Variants in ACOT13 observed in about 807,000 individuals in gnomAD.
ACOT13 encodes the protein acyl-CoA thioesterase 13.
Under a neutral mutation model 11.8 loss-of-function variants are expected in ACOT13, and 10 were observed. The ratio of observed to expected loss-of-function variants is 0.85; its 90% confidence interval spans 0.53 to 1.44. The LOEUF (loss-of-function observed/expected upper bound fraction) is 1.44. Ranked by LOEUF, ACOT13 falls within the 40% of genes most tolerant of loss-of-function variation. The pLI is 0.00. For missense variants in ACOT13, 172 were observed against 174.1 expected (o/e 0.99, Z 0.07); for synonymous variants, 53 against 61.0 (o/e 0.87, Z 0.61).
chr6:24,686,492 AGCAGGT>A (rs1413382246), intron 1 of ACOT13, among the ~76,000 whole-genome samples: 2 of 152,150 alleles, frequency 1.3e-5, no homozygotes, highest in African/African-American at 4.8e-5. Context: ...GCAAAGTGCA[AGCAGGT>A]GCGTCAAATG....
chr6:24,698,981 A>T (rs1778844663), intron 2 of ACOT13, among the ~76,000 whole-genome samples: 1 of 152,176 alleles, frequency 6.6e-6, no homozygotes, highest in Non-Finnish European at 1.5e-5. Flanking sequence ...AAACTACATG[A>T]TCAGGGAACA....
At chr6:24,698,137 TTTATA>T (rs1271788351) in intron 2 of ACOT13, 70 bp downstream of exon 2, 2 of 1,308,768 alleles carry the variant, frequency 1.5e-6, no homozygotes, top group Non-Finnish European at 2.0e-6. Flanking sequence ...ACTAAACACA[TTTATA>T]TTATTAGTAA....
At chr6:24,670,995 C>A (rs573550988) in intron 1 of ACOT13, among the ~76,000 whole-genome samples, 2 of 152,186 alleles carry the variant, frequency 1.3e-5, no homozygotes, top group African/African-American at 2.4e-5. Context: ...GGAATAGTTA[C>A]GTTTTTACAC....
intron 1 of ACOT13, 77 bp from the exon 2 acceptor site, chr6:24,697,806 C>G (rs1778818742): frequency 3.4e-5 from 41 of 1,213,798 alleles, no homozygotes; most frequent in Non-Finnish European, 4.3e-5. Flanking sequence ...TCAGTTCAAT[C>G]CATTGTTCTT....
intron 1 of ACOT13, among the ~76,000 whole-genome samples, chr6:24,676,564 A>G (rs2127622541): frequency 6.6e-6 from 1 of 152,246 alleles, no homozygotes; most frequent in South Asian, 2.1e-4. Context: ...ATTTTTGCAC[A>G]TTGATTTTGT....
At chr6:24,687,591 G>A in intron 1 of ACOT13, 2 of 1,457,656 alleles carry the variant, frequency 1.4e-6, no homozygotes, top group Non-Finnish European at 1.8e-6. Flanking sequence ...GTCAAGAGGA[G>A]GAACACACTG....
At chr6:24,686,398 T>C (rs1053646082) in intron 1 of ACOT13, among the ~76,000 whole-genome samples, 2 of 152,178 alleles carry the variant, frequency 1.3e-5, no homozygotes, top group Non-Finnish European at 2.9e-5. Context: ...GAGGATTATT[T>C]TGACTCACAG....
At chr6:24,696,878 C>A (rs1007367824) in intron 1 of ACOT13, among the ~76,000 whole-genome samples, 1 of 152,024 alleles carries the variant, frequency 6.6e-6, no homozygotes, top group Non-Finnish European at 1.5e-5. Flanking sequence ...CGGGTTCAAG[C>A]GATTCTCCTG....
In ACOT13 at chr6:24,703,182, TAC is replaced by T. The variant is rs1460182765; in HGVS notation, c.*1568_*1569del. ...TGAACCACTGCACCCAGCTGACTCT[TAC>T]TTGATTTCTGTCAGGGAATCTTAAT... On this transcript the variant is annotated 3_prime_UTR_variant, in exon 3 of 3. Transcript: ENST00000230048. 1 of 152,262 alleles carries T rather than the reference TAC, an allele frequency of 6.6e-6. No homozygotes were observed. Among genetic ancestry groups the T allele is most frequent in the Non-Finnish European group, 1.5e-5 (1 of 68,046 alleles). 9.4% of individuals were successfully genotyped at this position (152,262 alleles called of 1,614,324 possible). A position where few individuals can be genotyped will look rare whatever the true frequency, so the allele number is the denominator to read the frequency against.
In ACOT13 at chr6:24,687,602, G is replaced by A. The variant is rs145411365; in HGVS notation, c.82-10281G>A. The A allele has an allele frequency of 4.7e-5, 69 of 1,470,332 alleles. No individual in the cohort carries two copies. In the African/African-American group the frequency reaches 7.4e-4, roughly 16 times the overall value. The allele number at this position is 1,470,332 out of a possible 1,614,324, so 91.1% of individuals were successfully genotyped here. ...AGATGTCAAGAGGAGGAACACACTG[G>A]AGAGAAGCAGTAAAGATTTAGGACT... On this transcript the variant is annotated intron_variant, in intron 1 of 2. Coordinates refer to ENST00000230048, the MANE Select transcript of ACOT13 (RefSeq NM_018473.4).
intron 1 of ACOT13, among the ~76,000 whole-genome samples, chr6:24,684,711 C>A (rs186390660): frequency 7.9e-5 from 1 of 12,636 alleles, no homozygotes; most frequent in Middle Eastern, 0.083. Context: ...ATACAGGTAA[C>A]AGTATATAAA....
intron 1 of ACOT13, among the ~76,000 whole-genome samples, chr6:24,695,202 A>G (rs538368271): frequency 1.5e-4 from 23 of 152,020 alleles, no homozygotes; most frequent in Non-Finnish European, 3.1e-4. Context: ...CCATCTACTC[A>G]GGAGGCTGAG....
intron 1 of ACOT13, among the ~76,000 whole-genome samples, chr6:24,667,581 T>C (rs1235445410): frequency 2.6e-5 from 4 of 152,210 alleles, no homozygotes; most frequent in Non-Finnish European, 4.4e-5. Flanking sequence ...GTGGAGACAG[T>C]TCCAAGGCTG....
At chr6:24,701,371 T>G in intron 2 of ACOT13, 88 bp from the exon 3 acceptor site, 1 of 1,203,794 alleles carries the variant, frequency 8.3e-7, no homozygotes, top group East Asian at 2.5e-5. Context: ...AGGAGTAAAA[T>G]AAGTTACATA....
At position 24,701,511 on chromosome 6, in the gene ACOT13, C is replaced by A; in HGVS notation, c.319C>A (p.Leu107Met). The part of the protein sequence containing the change: ...GEDIVITAHV[L>M]KQGKTLAFTS... ...AGATATAGTGATTACAGCACATGTT[C>A]TGAAGCAAGGAAAAACACTTGCATT... is the stretch of plus-strand genomic sequence containing the variant. Residue 107 changes from leucine (L) to methionine (M), a missense_variant, in exon 3 of 3, where the codon CTG (leucine) becomes ATG (methionine). Physicochemically the swap from Leu to Met is conservative, Grantham distance 15. Coordinates refer to ENST00000230048, the MANE Select transcript of ACOT13 (RefSeq NM_018473.4). 4.3e-6 allele frequency: 7 copies of A among 1,613,936 alleles called. No individual in the cohort carries two copies. The highest frequency in any genetic ancestry group is 5.9e-6 in the Non-Finnish European group (7 of 1,179,896).
intron 1 of ACOT13, among the ~76,000 whole-genome samples, chr6:24,682,778 G>C (rs1220377077): frequency 6.6e-6 from 1 of 152,142 alleles, no homozygotes; most frequent in African/African-American, 2.4e-5. Flanking sequence ...GAAGAGTGCA[G>C]TTACAAGATT....
chr6:24,677,750 C>T (rs946307910), intron 1 of ACOT13, among the ~76,000 whole-genome samples: 42 of 152,182 alleles, frequency 2.8e-4, no homozygotes. Context: ...GTATAATGGC[C>T]TGACTATTTC....
At chr6:24,700,158 A>G (rs1413293687) in intron 2 of ACOT13, among the ~76,000 whole-genome samples, 1 of 152,196 alleles carries the variant, frequency 6.6e-6, no homozygotes, top group Non-Finnish European at 1.5e-5. Context: ...CCAAAACAAC[A>G]AAAGGGGAAA....
rs149236337 is a variant in ACOT13, at chr6:24,688,275, A to T, written c.82-9608A>T. On this transcript the variant is annotated intron_variant, in intron 1 of 2. Transcript: ENST00000230048. ...GGGAAATAGCTGGGCATGGTGGCTC[A>T]TGCCTGTAATCCCAACACTTTAGGA... Among the ~76,000 whole-genome samples the T allele has an allele frequency of 8.8e-3, 1,334 of 152,134 alleles. 27 individuals carry two copies. Among genetic ancestry groups the T allele is most frequent in the African/African-American group, 0.03 (1,264 of 41,496 alleles).
Sources: allele counts gnomAD v4.1 joint callset (sites outside exome capture counted in the v4.1 genomes callset), GRCh38; gene constraint gnomAD v4.1.1; transcripts MANE v1.5; gene names NCBI Gene and HGNC (gene_info 2026-07-23, HGNC 2026-07-21).